The following MBTD1 variants were observed in gnomAD, a reference collection of about 807,000 sequenced individuals.
MBTD1 encodes the protein MBT domain-containing protein 1.
Under a neutral mutation model 87.8 loss-of-function variants are expected in MBTD1, and 24 were observed. That is an observed-to-expected ratio of 0.27 (90% CI 0.20 to 0.38). MBTD1 has a LOEUF of 0.38. Among genes scored for constraint, MBTD1 ranks in the 10% least tolerant of loss-of-function variants. The pLI, the probability that MBTD1 is intolerant of heterozygous loss-of-function variation, is 1.00. For synonymous variants in MBTD1, 237 were observed against 248.6 expected (o/e 0.95, Z 0.44); for missense variants, 436 against 760.2 (o/e 0.57, Z 5.02).
intron 16 of MBTD1, among the ~76,000 whole-genome samples, chr17:51,189,454 T>C (rs1270505585): frequency 6.6e-6 from 1 of 152,232 alleles, no homozygotes; most frequent in Admixed American, 6.5e-5. Flanking sequence ...ACTCTAGTAA[T>C]GGTAAATATC....
At chr17:51,259,664 T>C (rs375573669) in intron 1 of MBTD1, among the ~76,000 whole-genome samples, 171 bp downstream of exon 1, 205 of 146,898 alleles carry the variant, frequency 1.4e-3, no homozygotes, top group South Asian at 0.011. Flanking sequence ...GGGGAACCCC[T>C]GAATCGTTTA....
In MBTD1 at chr17:51,191,783, G is replaced by A. The variant is rs1031249995; in HGVS notation, c.1768+420C>T. 3.6e-5 allele frequency: 6 copies of A among 164,734 alleles called. No individual in the cohort carries two copies. The South Asian group carries it at 4.6e-4, about 13-fold the overall frequency. 10.2% of individuals were successfully genotyped at this position (164,734 alleles called of 1,614,324 possible). A position where few individuals can be genotyped will look rare whatever the true frequency, so the allele number is the denominator to read the frequency against. On this transcript the variant is annotated intron_variant, in intron 16 of 16. Transcript: ENST00000586178. The stretch of plus-strand genomic sequence containing the variant: ...TTTTTGGTGGAGACAGGGTTTCACC[G>A]TGTTAGCCAGGATGGTCTCGATCTC...
In MBTD1 at chr17:51,179,157, A is replaced by G. The variant is rs1203339222; in HGVS notation, c.*1419T>C. 2 of 152,038 alleles carry G rather than the reference A, an allele frequency of 1.3e-5. No individual in the cohort carries two copies. Among genetic ancestry groups the G allele is most frequent in the African/African-American group, 4.8e-5 (2 of 41,402 alleles). The allele number at this position is 152,038 out of a possible 1,614,324, so 9.4% of individuals were successfully genotyped here. A position where few individuals can be genotyped will look rare whatever the true frequency, so the allele number is the denominator to read the frequency against. On this transcript the variant is annotated 3_prime_UTR_variant, in exon 17 of 17. Transcript: ENST00000586178. The stretch of plus-strand genomic sequence containing the variant: ...GGTTAATCATTTTGATTAATTTCTA[A>G]TTAGCCCTACCTATATTCCAGAGGA...
rs56750454 is a variant in MBTD1 at position 51,179,484 on chromosome 17, TTATATATA to T, written c.*1084_*1091del. On this transcript the variant is annotated 3_prime_UTR_variant, in exon 17 of 17. Transcript: ENST00000586178. ...ATCCTGAATACAATTAAAGACAATT[TTATATATA>T]TATATATATATATATATATATATAT... 900 of 34,888 alleles carry T rather than the reference TTATATATA, an allele frequency of 0.026. 10 individuals are homozygous for T. The highest frequency in any genetic ancestry group is 0.04 in the East Asian group (42 of 1,048). The allele number at this position is 34,888 out of a possible 1,614,324, so 2.2% of individuals were successfully genotyped here.
chr17:51,260,555 G>C, upstream of MBTD1: 2 of 1,595,928 alleles, frequency 1.3e-6, no homozygotes, highest in Non-Finnish European at 1.7e-6. Flanking sequence ...GGTTCCACGT[G>C]AGCGCCTGCG....
chr17:51,220,627 GA>G (rs2052831613), intron 3 of MBTD1, among the ~76,000 whole-genome samples, 164 bp from the exon 4 acceptor site: 1 of 152,230 alleles, frequency 6.6e-6, no homozygotes, highest in Non-Finnish European at 1.5e-5. Flanking sequence ...CCTGCACAGA[GA>G]AGTCAGAGAG....
rs760223986 is a variant in MBTD1, at chr17:51,202,899, T to G, written c.865A>C (p.Met289Leu). 13 of 1,614,008 alleles carry G rather than the reference T, an allele frequency of 8.1e-6. No individual in the cohort carries two copies. The highest frequency in any genetic ancestry group is 1.1e-5 in the Non-Finnish European group (13 of 1,180,004). ...CTCTTGTCAACCACTTCTACTCTCATGCAAGGTTTGAAAGGATACTGCATA... is the reference window on the plus strand; with the variant it reads ...CTCTTGTCAACCACTTCTACTCTCAGGCAAGGTTTGAAAGGATACTGCATA... ...ESMQYPFKPCMRVEVVDKRHL... is the reference protein window; with the variant it reads ...ESMQYPFKPCLRVEVVDKRHL... Residue 289 changes from methionine to leucine, a missense_variant, in exon 10 of 17, where the codon ATG (methionine) becomes CTG (leucine). By Grantham distance (15) the Met-to-Leu change is conservative. Coordinates refer to ENST00000586178, the MANE Select transcript of MBTD1 (RefSeq NM_017643.3).
intron 2 of MBTD1, among the ~76,000 whole-genome samples, chr17:51,253,853 ATTG>A (rs1436077844): frequency 6.6e-6 from 1 of 152,296 alleles, no homozygotes; most frequent in African/African-American, 2.4e-5. Flanking sequence ...TCATTAACTT[ATTG>A]GTATAACCAA....
Position 51,197,067 on chromosome 17 carries a change from T to G in MBTD1, c.1225-1706A>C, listed in dbSNP as rs868658961. The stretch of plus-strand genomic sequence containing the variant: ...ATATATATATATATATATATATATA[T>G]ATATATATATATATATATATATATA... On this transcript the variant is annotated intron_variant, in intron 12 of 16. Transcript: ENST00000586178. 7.1e-3 allele frequency among the ~76,000 whole-genome samples: 14 copies of G among 1,980 alleles called. 1 individual carries two copies. Among genetic ancestry groups the G allele is most frequent in the African/African-American group, 0.015 (6 of 392 alleles). 1.3% of individuals were successfully genotyped at this position (1,980 alleles called of 152,430 possible). A position where few individuals can be genotyped will look rare whatever the true frequency, so the allele number is the denominator to read the frequency against.
intron 3 of MBTD1, among the ~76,000 whole-genome samples, chr17:51,221,943 A>G (rs1444893159): frequency 2.0e-5 from 3 of 152,224 alleles, no homozygotes; most frequent in African/African-American, 7.2e-5. Context: ...TGGAAAAAAG[A>G]TAAAAATGCC....
At chr17:51,196,200 C>T (rs1433124847) in intron 12 of MBTD1, among the ~76,000 whole-genome samples, 1 of 151,442 alleles carries the variant, frequency 6.6e-6, no homozygotes, top group Non-Finnish European at 1.5e-5. Context: ...GCAAGAGCCA[C>T]CACGTCTGGC....
rs368746175 is a variant in MBTD1, at chr17:51,233,458, G to T, written c.-48-8249C>A. Among the ~76,000 whole-genome samples the T allele has an allele frequency of 2.6e-5, 4 of 152,074 alleles. No homozygotes were observed. In the South Asian group the frequency reaches 8.3e-4, roughly 32 times the overall value. ...CTATCAGAGAACAAGATAGACCTTG[G>T]AATTTAAAAACAAAAATGGGAAAAC... On this transcript the variant is annotated intron_variant, in intron 2 of 16. Transcript: ENST00000586178.
At chr17:51,239,050 A>C (rs1209237643) in intron 2 of MBTD1, among the ~76,000 whole-genome samples, 1 of 152,056 alleles carries the variant, frequency 6.6e-6, no homozygotes, top group Non-Finnish European at 1.5e-5. Flanking sequence ...CAGTGAGCCA[A>C]GATCATGCCA....
chr17:51,228,774 G>A (rs939653540), intron 2 of MBTD1, among the ~76,000 whole-genome samples: 14 of 151,704 alleles, frequency 9.2e-5, no homozygotes, highest in South Asian at 2.1e-4. Flanking sequence ...GTAGGCGCCC[G>A]TAATCCCAGC....
intron 2 of MBTD1, among the ~76,000 whole-genome samples, chr17:51,232,331 G>A (rs1012996196): frequency 3.9e-5 from 6 of 152,184 alleles, no homozygotes; most frequent in African/African-American, 1.2e-4. Context: ...ATTTTATCAA[G>A]TATGAGCGCA....
At chr17:51,242,033 G>A (rs1364680152) in intron 2 of MBTD1, among the ~76,000 whole-genome samples, 1 of 152,056 alleles carries the variant, frequency 6.6e-6, no homozygotes, top group Non-Finnish European at 1.5e-5. Context: ...AGATACTCCA[G>A]GCTTATCTTA....
intron 2 of MBTD1, among the ~76,000 whole-genome samples, chr17:51,234,747 G>A (rs143067965): frequency 1.5e-3 from 234 of 152,314 alleles, no homozygotes; most frequent in Non-Finnish European, 2.6e-3. Context: ...AGGCTGGAGC[G>A]CAATGGTGCA....
chr17:51,184,023 C>A (rs1481594886), intron 16 of MBTD1: 2 of 152,136 alleles, frequency 1.3e-5, no homozygotes, highest in Admixed American at 1.3e-4. Flanking sequence ...TATCTTGAAG[C>A]AATATGCATT....
At chr17:51,246,868 G>A (rs1450754350) in intron 2 of MBTD1, among the ~76,000 whole-genome samples, 1 of 152,002 alleles carries the variant, frequency 6.6e-6, no homozygotes, top group African/African-American at 2.4e-5. Flanking sequence ...TTGAACTCCT[G>A]ACCTCAGGTG....
Sources: gnomAD v4.1 joint callset for allele counts (sites outside exome capture counted in the v4.1 genomes callset) on GRCh38, gnomAD v4.1.1 for gene constraint, MANE v1.5 for transcripts, NCBI Gene and HGNC (gene_info 2026-07-23, HGNC 2026-07-21) for gene names.